Variants in COL17A1 observed in about 807,000 individuals in gnomAD.
COL17A1 encodes collagen alpha-1(XVII) chain.
A neutral mutation model predicts 218.4 loss-of-function variants in COL17A1; 181 were observed. That is an observed-to-expected ratio of 0.83 (90% CI 0.73 to 0.94). The LOEUF is 0.94. Among genes scored for constraint, COL17A1 ranks in the 40% least tolerant of loss-of-function variants. COL17A1 has a pLI of 0.00. For missense variants in COL17A1, 1,924 were observed against 1,945.9 expected (o/e 0.99, Z 0.21); for synonymous variants, 721 against 731.0 (o/e 0.99, Z 0.22).
At chr10:104,074,007 T>A in intron 6 of COL17A1, 177 bp downstream of exon 6, 2 of 873,916 alleles carry the variant, frequency 2.3e-6, no homozygotes, top group Non-Finnish European at 3.7e-6. Context: ...TGGCTGATAG[T>A]CCCCTTAATA....
chr10:104,033,802 A>G (rs1589554368), intron 52 of COL17A1, 143 bp downstream of exon 52: 1 of 1,293,962 alleles, frequency 7.7e-7, no homozygotes, highest in Non-Finnish European at 1.1e-6. Flanking sequence ...GCTGAGAGCT[A>G]GGCTGGGGCT....
intron 28 of COL17A1, 66 bp downstream of exon 28, chr10:104,050,023 A>G (rs1469129920): frequency 3.7e-6 from 6 of 1,612,270 alleles, no homozygotes; most frequent in Admixed American, 3.3e-5. Context: ...ATTTTTTCCA[A>G]CCTAGTGACT....
Position 104,034,766 on chromosome 10 carries a change from A to G in COL17A1, c.3621T>C (p.Thr1207=), listed in dbSNP as rs1423202383. ...GGCCTGGGATGAATGACAAGCCGGC[A>G]GCTGGGCAGAAGGAAGAGAAAGAAA... The part of the protein sequence containing the change: ...SVEDLSSYLH[T]AGLSFIPGPP... The change falls in exon 51 of 56, where the codon ACT becomes ACC. Residue 1207 remains threonine, a splice_region_variant and synonymous_variant. Transcript: ENST00000648076. 3 of 1,612,144 alleles carry G rather than the reference A, an allele frequency of 1.9e-6. No individual in the cohort carries two copies. The highest frequency in any genetic ancestry group is 2.5e-6 in the Non-Finnish European group (3 of 1,179,682).
chr10:104,048,313 G>T, intron 29 of COL17A1: 1 of 724,076 alleles, frequency 1.4e-6, no homozygotes, highest in Non-Finnish European at 2.6e-6. Flanking sequence ...TTCCTGTTGA[G>T]AATTGTTCAG....
In COL17A1 at chr10:104,043,543, G is replaced by A. The variant is rs2098031357; in HGVS notation, c.2473C>T (p.Pro825Ser). ...SMLTVPGPPG[P>S]PGAMGPPGPP... is the part of the protein sequence containing the mutation. The stretch of plus-strand genomic sequence containing the variant: ...CCTGGGGGTCCCATGGCTCCAGGAG[G>A]TCCTGGGGGGCCTGGGACAGTGAGC... The change falls in exon 35 of 56, where the codon CCT becomes TCT. Residue 825 changes from proline (P) to serine (S), a missense_variant. Pro to Ser is a moderately conservative substitution (Grantham distance 74). Transcript: ENST00000648076. 2 of 1,612,910 alleles carry A rather than the reference G, an allele frequency of 1.2e-6. No individual in the cohort carries two copies. Among genetic ancestry groups the A allele is most frequent in the Admixed American group, 1.7e-5 (1 of 59,998 alleles).
intron 27 of COL17A1, 105 bp from the exon 28 acceptor site, chr10:104,050,229 C>T (rs372941599): frequency 3.4e-5 from 52 of 1,512,838 alleles, no homozygotes; most frequent in African/African-American, 9.6e-5. Context: ...TCACTGTATC[C>T]GTGAACTCCT....
At position 104,060,258 on chromosome 10, in the gene COL17A1, G is replaced by C. The variant is rs141844864; in HGVS notation, c.1002C>G (p.Ser334Arg). The change falls in exon 14 of 56, where the codon AGC becomes AGG. Residue 334 changes from serine (S) to arginine (R), a missense_variant. Physicochemically the swap from Ser to Arg is moderately radical, Grantham distance 110 (BLOSUM62 -1). Transcript: ENST00000648076. ...TGCAGTCCTTGTGCAAAAGGTCATC[G>C]CTCTGCACACTTGTGGTGCAGGCTG... ...TSAACTTSVQ[S>R]DDLLHKDCKF... 2.5e-6 allele frequency: 4 copies of C among 1,614,152 alleles called. No individual in the cohort carries two copies. Among genetic ancestry groups the C allele is most frequent in the Non-Finnish European group, 3.4e-6 (4 of 1,180,030 alleles).
chr10:104,054,099 C>T lies in COL17A1; in HGVS notation c.1764G>A (p.Gly588=). 1 of 1,611,726 alleles carries T rather than the reference C, an allele frequency of 6.2e-7. No individual in the cohort carries two copies. Among genetic ancestry groups the T allele is most frequent in the South Asian group, 1.1e-5 (1 of 90,560 alleles). ...PGPKGDRGFP[G]TPGIPGPLGH... ...TCATCAGAGAGTACATACCTGGAGT[C>T]CCAGGGAACCCTCGATCTCCTGCAG... Residue 588 remains glycine (G), a synonymous_variant, in exon 21 of 56, where the codon GGG becomes GGA. Transcript: ENST00000648076.
Position 104,033,982 on chromosome 10 carries a change from G to A in COL17A1, c.4119C>T (p.Tyr1373=). 1 of 1,614,144 alleles carries A rather than the reference G, an allele frequency of 6.2e-7. No individual in the cohort carries two copies. The highest frequency in any genetic ancestry group is 8.5e-7 in the Non-Finnish European group (1 of 1,180,024). Residue 1373 remains tyrosine, a synonymous_variant, in exon 52 of 56, where the codon TAC becomes TAT. Transcript: ENST00000648076. ...CTGACACCCTCACAGCCAGCTCATTGTAATCCAGATCTCCAGCAAAGTCAG... is the reference window on the plus strand; with the variant it reads ...CTGACACCCTCACAGCCAGCTCATTATAATCCAGATCTCCAGCAAAGTCAG... ...LGADFAGDLD[Y]NELAVRVSES...
chr10:104,045,607 T>C, intron 33 of COL17A1, 151 bp downstream of exon 33: 1 of 743,352 alleles, frequency 1.3e-6, no homozygotes, highest in South Asian at 1.4e-5. Context: ...CACAAATCCC[T>C]GGGCTCCCAG....
chr10:104,059,471 A>G, intron 15 of COL17A1, 167 bp downstream of exon 15: 1 of 686,898 alleles, frequency 1.5e-6, no homozygotes, highest in Non-Finnish European at 2.7e-6. Context: ...CTTCTGACTC[A>G]GCAGATCTGA....
In COL17A1 at chr10:104,043,504, G is replaced by T. The variant is rs754626602; in HGVS notation, c.2512C>A (p.Pro838Thr). Residue 838 changes from proline to threonine, a missense_variant, in exon 35 of 56, where the codon CCA becomes ACA. By Grantham distance (38) the Pro-to-Thr change is conservative. Transcript: ENST00000648076. Reference protein sequence around the residue: ...AMGPPGPPGAPGPAGPAGLPG... With the variant: ...AMGPPGPPGATGPAGPAGLPG... ...CAAAGCAAGAAAATAGACTGACCTG[G>T]GGCACCTGGAGGTCCTGGGGGTCCC... 1.1e-5 allele frequency: 17 copies of T among 1,613,608 alleles called. No individual in the cohort carries two copies. The highest frequency in any genetic ancestry group is 1.3e-5 in the African/African-American group (1 of 74,862).
chr10:104,046,628 G>A (rs2134596516), intron 32 of COL17A1, 119 bp downstream of exon 32: 5 of 928,098 alleles, frequency 5.4e-6, no homozygotes, highest in East Asian at 2.5e-5. Context: ...GAAAGGGAGT[G>A]TGTGCCAGGG....
intron 15 of COL17A1, chr10:104,059,297 A>C (rs562221235): frequency 1.2e-5 from 4 of 344,192 alleles, no homozygotes; most frequent in African/African-American, 8.4e-5. Context: ...GGAAGAAAAA[A>C]AAATAAAGCT....
chr10:104,036,382 G>A, intron 48 of COL17A1, 110 bp downstream of exon 48: 1 of 1,445,230 alleles, frequency 6.9e-7, no homozygotes, highest in Non-Finnish European at 9.6e-7. Context: ...TGGGGTTGGT[G>A]CAGTCTGGCA....
intron 20 of COL17A1, among the ~76,000 whole-genome samples, chr10:104,054,772 C>A (rs753367078): frequency 2.0e-5 from 3 of 152,118 alleles, no homozygotes; most frequent in Non-Finnish European, 4.4e-5. Context: ...CAGGGAAGCT[C>A]GCCAATCCCG....
intron 1 of COL17A1, among the ~76,000 whole-genome samples, chr10:104,083,774 C>G (rs1043267872): frequency 2.0e-5 from 3 of 152,186 alleles, no homozygotes; most frequent in African/African-American, 7.2e-5. Flanking sequence ...ACATGAAACA[C>G]TTTGTTCTTG....
chr10:104,033,222 A>G lies in COL17A1; in HGVS notation c.4294+16T>C, dbSNP rs537163258. The stretch of plus-strand genomic sequence containing the variant: ...GCAGTGAGGCAGGTGCTGGGAAAGC[A>G]GTTGGATGCCCTTACTTTGGAAGAA... On this transcript the variant is annotated intron_variant, in intron 53 of 55. Coordinates refer to ENST00000648076, the MANE Select transcript of COL17A1 (RefSeq NM_000494.4). 6.3e-7 allele frequency: 1 copy of G among 1,577,712 alleles called. No individual in the cohort carries two copies. The highest frequency in any genetic ancestry group is 1.9e-5 in the Admixed American group (1 of 53,212).
intron 9 of COL17A1, among the ~76,000 whole-genome samples, chr10:104,067,935 A>G (rs1285473970): frequency 6.6e-6 from 1 of 152,194 alleles, no homozygotes; most frequent in Non-Finnish European, 1.5e-5. Flanking sequence ...GGAGAGACAT[A>G]ATGTAAAAGG....
Sources: allele counts gnomAD v4.1 joint callset (sites outside exome capture counted in the v4.1 genomes callset), GRCh38; gene constraint gnomAD v4.1.1; transcripts MANE v1.5; gene names NCBI Gene and HGNC (gene_info 2026-07-23, HGNC 2026-07-21).